ZNF540: variants seen among roughly 807,000 people sequenced by gnomAD.
ZNF540 encodes zinc finger protein 540.
ZNF540 carries 3 observed loss-of-function variants against 11.8 expected under a neutral mutation model. The observed-to-expected ratio is 0.25, with a 90% confidence interval of 0.12 to 0.65. The LOEUF is 0.65. Ranked by LOEUF, ZNF540 falls within the 30% of genes least tolerant of loss-of-function variation. ZNF540 has a pLI of 0.83. For missense variants in ZNF540, 709 were observed against 793.1 expected (o/e 0.89, Z 1.27); for synonymous variants, 247 against 259.0 (o/e 0.95, Z 0.45).
At chr19:37,610,451 G>C (rs1231513609) in intron 4 of ZNF540, among the ~76,000 whole-genome samples, 1 of 152,154 alleles carries the variant, frequency 6.6e-6, no homozygotes, top group Non-Finnish European at 1.5e-5. Flanking sequence ...ATGAAGAAAT[G>C]AAACATGATG....
At chr19:37,584,013 T>C (rs760556774) in intron 1 of ZNF540, 16 of 1,613,882 alleles carry the variant, frequency 9.9e-6, no homozygotes, top group Non-Finnish European at 1.4e-5. Flanking sequence ...ATCACATCCC[T>C]GTACAAGTCC....
intron 1 of ZNF540, among the ~76,000 whole-genome samples, chr19:37,573,637 G>A (rs959860236): frequency 2.0e-5 from 3 of 150,446 alleles, no homozygotes; most frequent in Non-Finnish European, 4.4e-5. Context: ...GACCAGCCTG[G>A]GCAACACAGT....
At chr19:37,564,833 C>T (rs1304795191) in intron 1 of ZNF540, 5 of 1,613,924 alleles carry the variant, frequency 3.1e-6, no homozygotes, top group Non-Finnish European at 4.2e-6. Flanking sequence ...ACACTGTTTA[C>T]ATTCATAAGG....
intron 1 of ZNF540, among the ~76,000 whole-genome samples, chr19:37,571,431 G>T (rs1190041992): frequency 6.6e-6 from 1 of 151,372 alleles, no homozygotes; most frequent in Admixed American, 6.6e-5. Context: ...AGGAAGTGGA[G>T]GTTGCAGTGA....
At chr19:37,590,361 G>T (rs995941004), upstream of ZNF540, among the ~76,000 whole-genome samples, 17 of 152,078 alleles carry the variant, frequency 1.1e-4, no homozygotes, top group Non-Finnish European at 2.1e-4. Context: ...AGCTTGCAGT[G>T]AGCCAAGATC....
At chr19:37,590,814 A>C (rs2043848294), upstream of ZNF540, among the ~76,000 whole-genome samples, 1 of 152,210 alleles carries the variant, frequency 6.6e-6, no homozygotes, top group Admixed American at 6.5e-5. Context: ...TTAAGAGACT[A>C]AAGAGGCATA....
chr19:37,593,496 G>A (rs1050863471), upstream of ZNF540, among the ~76,000 whole-genome samples: 1 of 152,170 alleles, frequency 6.6e-6, no homozygotes, highest in African/African-American at 2.4e-5. Context: ...GAGGTCAGGA[G>A]ATCGAGACCA....
At chr19:37,574,574 T>A (rs1348633667) in intron 1 of ZNF540, among the ~76,000 whole-genome samples, 1 of 152,206 alleles carries the variant, frequency 6.6e-6, no homozygotes, top group Non-Finnish European at 1.5e-5. Flanking sequence ...TAAATTTGAA[T>A]CCTCATACAT....
chr19:37,593,267 T>C (rs1029241774), upstream of ZNF540, among the ~76,000 whole-genome samples: 4 of 152,198 alleles, frequency 2.6e-5, no homozygotes, highest in Non-Finnish European at 5.9e-5. Flanking sequence ...ACAAAGGTAT[T>C]TACAAATGTT....
rs764715961 is a variant in ZNF540 at position 37,599,704 on chromosome 19, T to C, written c.88T>C (p.Leu30=). 5.0e-6 allele frequency: 8 copies of C among 1,613,348 alleles called. No homozygotes were observed. Among genetic ancestry groups the C allele is most frequent in the South Asian group, 1.1e-5 (1 of 90,986 alleles). The change falls in exon 3 of 5, where the codon TTG becomes CTG. Residue 30 remains leucine, a synonymous_variant. Coordinates refer to ENST00000316433, the MANE Select transcript of ZNF540 (RefSeq NM_001172225.3). ...WECLDTTQRK[L]YRDVMLENYN... is the part of the protein sequence containing the mutation. ...GTGCCTGGACACTACCCAGAGGAAATTGTACAGAGATGTGATGTTGGAGAA... is the reference window on the plus strand; with the variant it reads ...GTGCCTGGACACTACCCAGAGGAAACTGTACAGAGATGTGATGTTGGAGAA...
chr19:37,588,099 C>CAA lies in ZNF540; in HGVS notation c.-72-10249_-72-10248dup, dbSNP rs58516591. Among the ~76,000 whole-genome samples, 195 of 45,754 alleles carry CAA rather than the reference C, an allele frequency of 4.3e-3. 28 individuals carry two copies. The highest frequency in any genetic ancestry group is 0.013 in the South Asian group (10 of 794). 30.0% of individuals were successfully genotyped at this position (45,754 alleles called of 152,430 possible). On this transcript the variant is annotated intron_variant, in intron 1 of 4. Coordinates refer to the ZNF540 transcript ENST00000592533. The stretch of plus-strand genomic sequence containing the variant: ...TGGGTGACAGAGCGAGACTCCATCT[C>CAA]AAAAAAAAAAAAAAAAAAAAAAAAA...
intron 4 of ZNF540, among the ~76,000 whole-genome samples, chr19:37,602,645 T>C (rs893256431): frequency 6.6e-6 from 1 of 152,174 alleles, no homozygotes; most frequent in Non-Finnish European, 1.5e-5. Flanking sequence ...CAGGGCACTC[T>C]ATTCAGAGAA....
chr19:37,556,273 A>T (rs1032404014), intron 1 of ZNF540: 1 of 611,938 alleles, frequency 1.6e-6, no homozygotes, highest in Non-Finnish European at 2.9e-6. Context: ...AGGAGAAAGG[A>T]GTAGGAAGGC....
Position 37,607,972 on chromosome 19 carries a change from G to A in ZNF540, c.233-3541G>A, listed in dbSNP as rs187098307. On this transcript the variant is annotated intron_variant, in intron 4 of 4. Coordinates refer to ENST00000316433, the MANE Select transcript of ZNF540 (RefSeq NM_001172225.3). Reference sequence around the variant, plus strand: ...TGCTCCACATCCTTGTCAGCCTTTGGTGTTGCCAGTGTTTTCGATTTTGGC... The same window carrying A: ...TGCTCCACATCCTTGTCAGCCTTTGATGTTGCCAGTGTTTTCGATTTTGGC... Among the ~76,000 whole-genome samples the A allele has an allele frequency of 9.8e-5, 15 of 152,298 alleles. No individual in the cohort carries two copies. In the East Asian group the frequency reaches 2.7e-3, roughly 27 times the overall value.
At chr19:37,597,266 G>A (rs1168315683) in intron 1 of ZNF540, among the ~76,000 whole-genome samples, 1 of 152,056 alleles carries the variant, frequency 6.6e-6, no homozygotes, top group Non-Finnish European at 1.5e-5. Context: ...GGACCCTGGG[G>A]ACTCTTCTGA....
In ZNF540 at chr19:37,608,932, C is replaced by G. The variant is rs143102065; in HGVS notation, c.233-2581C>G. On this transcript the variant is annotated intron_variant, in intron 4 of 4. Coordinates refer to ENST00000316433, the MANE Select transcript of ZNF540 (RefSeq NM_001172225.3). ...CTGGGATTACAAGCGTGAGCCACTG[C>G]GCCCGGCCAGTATTTAGATTTTTTT... Among the ~76,000 whole-genome samples, 687 of 152,212 alleles carry G rather than the reference C, an allele frequency of 4.5e-3. 4 individuals carry two copies. The highest frequency in any genetic ancestry group is 0.016 in the African/African-American group (665 of 41,534).
At position 37,569,357 on chromosome 19, in the gene ZNF540, A is replaced by G. The variant is rs2042979189; in HGVS notation, c.-73+17692A>G. Among the ~76,000 whole-genome samples the G allele has an allele frequency of 6.6e-6, 1 of 152,184 alleles. No homozygotes were observed. The highest frequency in any genetic ancestry group is 6.5e-5 in the Admixed American group (1 of 15,278). On this transcript the variant is annotated intron_variant, in intron 1 of 4. Transcript: ENST00000592533. This position sits in a 1 kb window ranked among gnomAD's most constrained non-coding sequence, Gnocchi z 4.4. ...GAATGGAATAGTAAATATGAAAATC[A>G]CATTATGTCACCATCTTAAGATTTT...
At chr19:37,558,564 T>C (rs1415662084) in intron 1 of ZNF540, among the ~76,000 whole-genome samples, 1 of 152,026 alleles carries the variant, frequency 6.6e-6, no homozygotes, top group Non-Finnish European at 1.5e-5. Flanking sequence ...GTGGAAATCA[T>C]CCAAAGCTCT....
At chr19:37,565,597 T>C in intron 1 of ZNF540, 3 of 1,613,318 alleles carry the variant, frequency 1.9e-6, no homozygotes, top group Non-Finnish European at 2.5e-6. Flanking sequence ...ATTCATAGGG[T>C]TTTTCACCAC....
Sources: allele counts gnomAD v4.1 joint callset (sites outside exome capture counted in the v4.1 genomes callset), GRCh38; gene constraint gnomAD v4.1.1; non-coding constraint Gnocchi (gnomAD v3.1); transcripts MANE v1.5; gene names NCBI Gene and HGNC (gene_info 2026-07-23, HGNC 2026-07-21).